Variants in CDH13 observed in about 807,000 individuals in gnomAD.
The protein encoded by CDH13 is cadherin-13.
CDH13 carries 24 observed loss-of-function variants against 63.8 expected under a neutral mutation model. The ratio of observed to expected loss-of-function variants is 0.38; its 90% CI spans 0.27 to 0.53. CDH13 has a LOEUF of 0.53. Among genes scored for constraint, CDH13 ranks in the 20% least tolerant of loss-of-function variants. CDH13 has a pLI of 0.85. For missense variants in CDH13, 1,049 were observed against 903.1 expected (o/e 1.16, Z -2.07); for synonymous variants, 503 against 355.3 (o/e 1.42, Z -4.67).
At chr16:83,754,587 G>C (rs973617763) in intron 11 of CDH13, among the ~76,000 whole-genome samples, 3 of 152,066 alleles carry the variant, frequency 2.0e-5, no homozygotes, top group African/African-American at 7.2e-5. Context: ...TGAATCATGG[G>C]GGCAGTTTCC....
chr16:83,114,501 G>T (rs149601556), intron 3 of CDH13, among the ~76,000 whole-genome samples: 18 of 152,274 alleles, frequency 1.2e-4, no homozygotes, highest in African/African-American at 4.1e-4. Flanking sequence ...CCTTTAAAAT[G>T]ACTTCCCTCA....
At chr16:82,920,763 G>C (rs1346619605) in intron 2 of CDH13, among the ~76,000 whole-genome samples, 1 of 152,144 alleles carries the variant, frequency 6.6e-6, no homozygotes, top group Non-Finnish European at 1.5e-5. Context: ...TACAAAATCA[G>C]ACAGAAGGGT....
intron 10 of CDH13, among the ~76,000 whole-genome samples, chr16:83,730,754 G>C (rs537865801): frequency 6.6e-6 from 1 of 152,200 alleles, no homozygotes; most frequent in African/African-American, 2.4e-5. Context: ...GGGTATGAGT[G>C]ATCCCATCAC....
intron 7 of CDH13, among the ~76,000 whole-genome samples, chr16:83,513,791 C>G (rs118047548): frequency 1.3e-5 from 2 of 152,042 alleles, no homozygotes; most frequent in South Asian, 2.1e-4. Context: ...GGTGGGGACA[C>G]GGCCAAACCT....
At chr16:83,413,774 G>A (rs554745939) in intron 6 of CDH13, among the ~76,000 whole-genome samples, 117 of 152,176 alleles carry the variant, frequency 7.7e-4, no homozygotes, top group African/African-American at 2.7e-3. Flanking sequence ...GATCACCTGA[G>A]GTTGGGAGTT....
intron 2 of CDH13, among the ~76,000 whole-genome samples, chr16:82,906,292 C>G (rs894501758): frequency 3.9e-5 from 6 of 152,152 alleles, no homozygotes; most frequent in Non-Finnish European, 8.8e-5. Flanking sequence ...TAGCAGACCT[C>G]CATGGTGGCC....
intron 5 of CDH13, among the ~76,000 whole-genome samples, chr16:83,222,125 G>C (rs1374429483): frequency 2.0e-5 from 3 of 152,144 alleles, no homozygotes; most frequent in African/African-American, 7.2e-5. Context: ...TCTAGAACAG[G>C]TAACTGGAAC....
At chr16:82,763,164 A>C (rs1043585726) in intron 1 of CDH13, among the ~76,000 whole-genome samples, 1 of 152,126 alleles carries the variant, frequency 6.6e-6, no homozygotes, top group Admixed American at 6.5e-5. Flanking sequence ...TGCCCCACCC[A>C]GTATCTGTAA....
At position 82,858,481 on chromosome 16, in the gene CDH13, A is replaced by T; in HGVS notation, c.157+8A>T. On this transcript the variant is annotated splice_region_variant and intron_variant, in intron 2 of 13. Transcript: ENST00000567109. ...ACCAGTCAATTCTAAACTGTAAGCAATGTCACTCAAAGATGCTTTTAGACT... is the reference window on the plus strand; with the variant it reads ...ACCAGTCAATTCTAAACTGTAAGCATTGTCACTCAAAGATGCTTTTAGACT... The T allele has an allele frequency of 1.3e-6, 2 of 1,510,082 alleles. No individual in the cohort carries two copies. The highest frequency in any genetic ancestry group is 1.8e-6 in the Non-Finnish European group (2 of 1,085,366). The allele number at this position is 1,510,082 out of a possible 1,614,324, so 93.5% of individuals were successfully genotyped here. A position where few individuals can be genotyped will look rare whatever the true frequency, so the allele number is the denominator to read the frequency against.
At chr16:83,218,284 C>T (rs1197035498) in intron 5 of CDH13, among the ~76,000 whole-genome samples, 2 of 152,088 alleles carry the variant, frequency 1.3e-5, no homozygotes, top group Non-Finnish European at 2.9e-5. Context: ...AGTAAAGTCC[C>T]CACCCTCCAG....
intron 1 of CDH13, among the ~76,000 whole-genome samples, chr16:82,757,660 TTG>T (rs2034666586): frequency 2.9e-5 from 3 of 104,468 alleles, no homozygotes; most frequent in African/African-American, 2.7e-5. Context: ...TTTTTTTTTT[TTG>T]GGGACAGAGT....
At position 83,253,660 on chromosome 16, in the gene CDH13, G is replaced by A. The variant is rs181578402; in HGVS notation, c.636+36163G>A. Among the ~76,000 whole-genome samples the A allele has an allele frequency of 6.0e-4, 92 of 152,336 alleles. 1 individual carries two copies. In the East Asian group the frequency reaches 0.014, roughly 23 times the overall value. ...CTAGGGGTTGACAGAGCAGGCTACT[G>A]CCCTTCTGCAAATACTCTTAAGATC... On this transcript the variant is annotated intron_variant, in intron 5 of 13. Transcript: ENST00000567109.
intron 4 of CDH13, among the ~76,000 whole-genome samples, chr16:83,160,097 A>T (rs531216454): frequency 2.6e-4 from 39 of 152,020 alleles, no homozygotes; most frequent in Non-Finnish European, 5.0e-4. Context: ...AGAAAAAAAA[A>T]ATTGTTACAT....
At chr16:83,763,853 G>A (rs1914172585) in intron 11 of CDH13, among the ~76,000 whole-genome samples, 1 of 152,122 alleles carries the variant, frequency 6.6e-6, no homozygotes, top group Non-Finnish European at 1.5e-5. Flanking sequence ...GTAATAGTGA[G>A]GTGTGATCAG....
chr16:83,216,925 G>A (rs1158954598), intron 4 of CDH13, among the ~76,000 whole-genome samples: 3 of 152,064 alleles, frequency 2.0e-5, no homozygotes, highest in Non-Finnish European at 4.4e-5. Flanking sequence ...TGGATTAGTG[G>A]ATATATGTAA....
At chr16:83,495,804 G>A (rs114444941) in intron 7 of CDH13, among the ~76,000 whole-genome samples, 9,013 of 152,160 alleles carry the variant, frequency 0.059, 306 homozygotes, top group African/African-American at 0.064. Context: ...AGGAATTTGG[G>A]CAAGTGAAGA....
chr16:83,675,506 C>T (rs1317669574), intron 9 of CDH13, among the ~76,000 whole-genome samples: 3 of 152,144 alleles, frequency 2.0e-5, no homozygotes, highest in Admixed American at 6.5e-5. Context: ...ACACTGGGGC[C>T]GGGGAAATGA....
intron 5 of CDH13, among the ~76,000 whole-genome samples, chr16:83,239,875 G>T (rs544619234): frequency 6.6e-6 from 1 of 152,188 alleles, no homozygotes; most frequent in African/African-American, 2.4e-5. Context: ...GGGGGGCAGG[G>T]GAGCTGGAGG....
intron 1 of CDH13, among the ~76,000 whole-genome samples, chr16:82,840,475 G>A (rs955068997): frequency 1.3e-5 from 2 of 151,806 alleles, no homozygotes; most frequent in South Asian, 2.1e-4. Context: ...TTGAGGTCAG[G>A]ACTTTGAGAC....
Sources: gnomAD v4.1 joint callset for allele counts (sites outside exome capture counted in the v4.1 genomes callset) on GRCh38, gnomAD v4.1.1 for gene constraint, MANE v1.5 for transcripts, NCBI Gene and HGNC (gene_info 2026-07-23, HGNC 2026-07-21) for gene names.